SEMA6D: variants seen among roughly 807,000 people sequenced by gnomAD.
SEMA6D encodes the protein semaphorin-6D.
In SEMA6D, 35 loss-of-function variants were observed where a neutral mutation model predicts 106.6. That is an observed-to-expected ratio of 0.33 (90% CI 0.25 to 0.44). SEMA6D has a LOEUF of 0.44. Among genes scored for constraint, SEMA6D ranks in the 20% least tolerant of loss-of-function variants. SEMA6D has a pLI of 1.00. For missense variants in SEMA6D, 1,185 were observed against 1,345.9 expected (o/e 0.88, Z 1.87); for synonymous variants, 499 against 487.7 (o/e 1.02, Z -0.31).
chr15:47,663,238 G>A (rs1358661019), intron 4 of SEMA6D, among the ~76,000 whole-genome samples: 1 of 152,134 alleles, frequency 6.6e-6, no homozygotes, highest in African/African-American at 2.4e-5. Context: ...ACAAATTCCA[G>A]GAGGAATGTT....
intron 3 of SEMA6D, among the ~76,000 whole-genome samples, chr15:47,568,603 G>A (rs1229997573): frequency 6.6e-6 from 1 of 151,946 alleles, no homozygotes; most frequent in Non-Finnish European, 1.5e-5. Flanking sequence ...TTACATCTCA[G>A]GTAATATGAT....
intron 2 of SEMA6D, among the ~76,000 whole-genome samples, chr15:47,427,370 A>G (rs1284912350): frequency 6.6e-6 from 1 of 152,178 alleles, no homozygotes; most frequent in Non-Finnish European, 1.5e-5. Flanking sequence ...GTACAGTCAC[A>G]GCATGCAACC....
intron 1 of SEMA6D, among the ~76,000 whole-genome samples, chr15:47,247,607 C>T (rs561841693): frequency 2.0e-5 from 3 of 152,224 alleles, no homozygotes; most frequent in East Asian, 3.9e-4. Context: ...TAAACATACT[C>T]CTATTTGTTT....
At chr15:47,331,577 A>G (rs537052175) in intron 1 of SEMA6D, among the ~76,000 whole-genome samples, 1 of 152,206 alleles carries the variant, frequency 6.6e-6, no homozygotes, top group Admixed American at 6.5e-5. Flanking sequence ...CAAAGCATAG[A>G]CATATGCATA....
intron 1 of SEMA6D, among the ~76,000 whole-genome samples, chr15:47,266,892 T>G (rs902924991): frequency 6.6e-6 from 1 of 152,178 alleles, no homozygotes; most frequent in African/African-American, 2.4e-5. Flanking sequence ...GATTTTTGAA[T>G]AAATGTTTTC....
chr15:47,236,222 C>G (rs1459042468), intron 1 of SEMA6D, among the ~76,000 whole-genome samples: 1 of 151,926 alleles, frequency 6.6e-6, no homozygotes, highest in Non-Finnish European at 1.5e-5. Context: ...TTTAATCTGC[C>G]ATTTTCTGTA....
chr15:47,518,316 A>G (rs1307348471), intron 3 of SEMA6D, among the ~76,000 whole-genome samples: 3 of 152,174 alleles, frequency 2.0e-5, no homozygotes, highest in Non-Finnish European at 4.4e-5. Context: ...AATACAGGAT[A>G]AGCCTTTGTC....
chr15:47,377,029 C>G (rs934482341), intron 1 of SEMA6D, among the ~76,000 whole-genome samples: 1 of 152,140 alleles, frequency 6.6e-6, no homozygotes, highest in African/African-American at 2.4e-5. Flanking sequence ...CCCTTGACTT[C>G]TAAAGAAGCT....
chr15:47,254,895 G>GTGTGTT (rs71118164), intron 1 of SEMA6D, among the ~76,000 whole-genome samples: 1 of 151,252 alleles, frequency 6.6e-6, no homozygotes, highest in Non-Finnish European at 1.5e-5. Context: ...GTGTGTGTGT[G>GTGTGTT]TGTGTGTGTG....
intron 2 of SEMA6D, among the ~76,000 whole-genome samples, chr15:47,434,344 A>G (rs2041634579): frequency 6.6e-6 from 1 of 152,134 alleles, no homozygotes; most frequent in Non-Finnish European, 1.5e-5. Context: ...TGGGTCATGC[A>G]GATTGGAATA....
At chr15:47,447,505 C>G (rs1006122649) in intron 2 of SEMA6D, among the ~76,000 whole-genome samples, 1 of 152,134 alleles carries the variant, frequency 6.6e-6, no homozygotes, top group Non-Finnish European at 1.5e-5. Flanking sequence ...GGAAGATGAA[C>G]AAGAACACAT....
chr15:47,427,719 GAGAT>G (rs748539962), intron 2 of SEMA6D, among the ~76,000 whole-genome samples: 13 of 152,226 alleles, frequency 8.5e-5, no homozygotes, highest in East Asian at 1.9e-4. Context: ...AAGTCTAAAA[GAGAT>G]AGTGCTTTTA....
At chr15:47,576,570 A>G (rs1041931172) in intron 3 of SEMA6D, among the ~76,000 whole-genome samples, 1 of 152,100 alleles carries the variant, frequency 6.6e-6, no homozygotes, top group Non-Finnish European at 1.5e-5. Context: ...GCACTAAATC[A>G]CTCTATTCCC....
intron 3 of SEMA6D, among the ~76,000 whole-genome samples, chr15:47,507,100 A>G (rs1328978597): frequency 1.3e-5 from 2 of 152,222 alleles, no homozygotes; most frequent in Non-Finnish European, 2.9e-5. Flanking sequence ...GCATTTCCCC[A>G]GGGCATTACA....
At chr15:47,402,863 C>G (rs1042279399) in intron 1 of SEMA6D, among the ~76,000 whole-genome samples, 14 of 150,388 alleles carry the variant, frequency 9.3e-5, no homozygotes, top group African/African-American at 2.7e-4. Flanking sequence ...AACATTGAAT[C>G]AAGGACAAGC....
At chr15:47,514,309 C>T (rs1312192528) in intron 3 of SEMA6D, among the ~76,000 whole-genome samples, 1 of 152,172 alleles carries the variant, frequency 6.6e-6, no homozygotes, top group Admixed American at 6.5e-5. Context: ...CATTCACTCC[C>T]TGGGTGATCT....
intron 3 of SEMA6D, among the ~76,000 whole-genome samples, chr15:47,540,009 A>G (rs1192692218): frequency 2.0e-5 from 3 of 151,894 alleles, no homozygotes; most frequent in Admixed American, 1.3e-4. Context: ...GCAAGAGATG[A>G]TCAGGAGCAT....
At chr15:47,241,698 GAA>G (rs79852968) in intron 1 of SEMA6D, among the ~76,000 whole-genome samples, 1 of 135,576 alleles carries the variant, frequency 7.4e-6, no homozygotes. Context: ...GAAAACGATG[GAA>G]AAAAAAAAAA....
intron 1 of SEMA6D, among the ~76,000 whole-genome samples, chr15:47,402,854 A>G (rs568656473): frequency 1.3e-4 from 20 of 151,960 alleles, no homozygotes; most frequent in Non-Finnish European, 2.4e-4. Flanking sequence ...AGATAGATGA[A>G]CATTGAATCA....
Sources: gnomAD v4.1 joint callset for allele counts (sites outside exome capture counted in the v4.1 genomes callset) on GRCh38, gnomAD v4.1.1 for gene constraint, MANE v1.5 for transcripts, NCBI Gene and HGNC (gene_info 2026-07-23, HGNC 2026-07-21) for gene names.